MAGEC3: variants seen among roughly 807,000 people sequenced by gnomAD.
The protein encoded by MAGEC3 is melanoma-associated antigen C3.
Under a neutral mutation model 35.3 loss-of-function variants are expected in MAGEC3, and 34 were observed. The ratio of observed to expected loss-of-function variants is 0.96; its 90% CI spans 0.73 to 1.28. The LOEUF is 1.28. Ranked by LOEUF, MAGEC3 falls within the 50% of genes most tolerant of loss-of-function variation. The pLI is 0.00. For missense variants in MAGEC3, 561 were observed against 483.6 expected, an observed-to-expected ratio of 1.16 and a Z score of -1.50; for synonymous variants, 202 against 185.6, an observed-to-expected ratio of 1.09 and a Z score of -0.72.
rs769568009 is a variant in MAGEC3 at position 141,879,401 on chromosome X, GA to G, written c.490del (p.Arg164GlyfsTer49). 2.4e-5 allele frequency: 29 copies of G among 1,184,678 alleles called. No homozygotes were observed. The highest frequency in any genetic ancestry group is 3.3e-5 in the Non-Finnish European group (29 of 881,348). On this transcript the variant is annotated frameshift_variant, in exon 3 of 8. Coordinates refer to ENST00000298296, the MANE Select transcript of MAGEC3 (RefSeq NM_138702.1). LOFTEE classifies it high-confidence loss of function. ...CTTTCCCTTCCTGCCGTCAGCCCTG[GA>G]AAAAGGTTGTGGGGGGAGAAAGCGG... Reference protein sequence around the residue: ...YTLSLPAVSPGKRLWGEKAGS... With the variant: ...YTLSLPAVSPXKRLWGEKAGS...
rs766130605 is a variant in MAGEC3 at position 141,868,764 on chromosome X, T to G, written c.258+3159T>G. 2.7e-5 allele frequency among the ~76,000 whole-genome samples: 3 copies of G among 111,435 alleles called. No homozygotes were observed. In the East Asian group the frequency reaches 8.4e-4, roughly 31 times the overall value. On this transcript the variant is annotated intron_variant, in intron 2 of 7. Coordinates refer to ENST00000298296, the MANE Select transcript of MAGEC3 (RefSeq NM_138702.1). ...TTTACTTACCATAGATTAGAAACTCTGTACAGGGACTGTGTACACAAAATA... is the reference window on the plus strand; with the variant it reads ...TTTACTTACCATAGATTAGAAACTCGGTACAGGGACTGTGTACACAAAATA...
At chrX:141,870,765 A>G (rs945361225) in intron 2 of MAGEC3, among the ~76,000 whole-genome samples, 1 of 111,986 alleles carries the variant, frequency 8.9e-6, no homozygotes, top group African/African-American at 3.3e-5. Context: ...TATGTGCTAG[A>G]TGCAGATGAA....
chrX:141,873,867 A>G (rs1292735833), intron 2 of MAGEC3, among the ~76,000 whole-genome samples: 1 of 112,089 alleles, frequency 8.9e-6, no homozygotes, highest in African/African-American at 3.2e-5. Context: ...TTTAAGGACT[A>G]AAATATGTTT....
chrX:141,896,885 A>G lies in MAGEC3; in HGVS notation c.1127A>G (p.Asp376Gly). 2.5e-6 allele frequency: 3 copies of G among 1,187,153 alleles called. No homozygotes were observed. Among genetic ancestry groups the G allele is most frequent in the South Asian group, 1.8e-5 (1 of 54,339 alleles). ...ASPQQKKGGEDEDMPAAGMPP... is the reference protein window; with the variant it reads ...ASPQQKKGGEGEDMPAAGMPP... Reference sequence around the variant, plus strand: ...ACTCTCATTCTGGGTGTTCCAGAAGATGAGGATATGCCTGCTGCTGGGATG... The same window carrying G: ...ACTCTCATTCTGGGTGTTCCAGAAGGTGAGGATATGCCTGCTGCTGGGATG... The change falls in exon 7 of 8, where the codon GAT becomes GGT. Residue 376 changes from aspartate (D) to glycine (G), a missense_variant. Physicochemically the swap from Asp to Gly is moderately conservative, Grantham distance 94 (BLOSUM62 -1). Transcript: ENST00000298296.
At chrX:141,848,038 G>T (rs1432218779) in intron 1 of MAGEC3, among the ~76,000 whole-genome samples, 1 of 110,024 alleles carries the variant, frequency 9.1e-6, no homozygotes, top group African/African-American at 3.3e-5. Context: ...CATCAACAGG[G>T]TATGCATGTG....
rs2018116583 is a variant in MAGEC3, at chrX:141,897,714, T to C, written c.1814T>C (p.Met605Thr). Residue 605 changes from methionine to threonine, a missense_variant, in exon 8 of 8, where the codon ATG becomes ACG. Transcript: ENST00000298296. ...CCTAGTGCCTTTCCATCCTGGTACATGGATGCTTTGAAAGATATGGAAGAC... is the reference window on the plus strand; with the variant it reads ...CCTAGTGCCTTTCCATCCTGGTACACGGATGCTTTGAAAGATATGGAAGAC... ...IIPSAFPSWY[M>T]DALKDMEDRA... is the part of the protein sequence containing the mutation. The C allele has an allele frequency of 8.3e-6, 10 of 1,211,575 alleles. No individual in the cohort carries two copies. The highest frequency in any genetic ancestry group is 1.1e-5 in the Non-Finnish European group (10 of 895,417).
rs188167309 is a variant in MAGEC3 at position 141,895,528 on chromosome X, C to A, written c.1092C>A (p.Thr364=). ...AGGAAGATGGCCGCCGAGGGCTGAC[C>A]GAGGCGTCCCCACAACAGAAGAAGG... is the stretch of plus-strand genomic sequence containing the variant. ...HRQEDGRRGL[T]EASPQQKKGG... is the part of the protein sequence containing the mutation. Residue 364 remains threonine (T), a synonymous_variant, in exon 6 of 8, where the codon ACC becomes ACA. Coordinates refer to ENST00000298296, the MANE Select transcript of MAGEC3 (RefSeq NM_138702.1). 3.3e-6 allele frequency: 4 copies of A among 1,208,019 alleles called. No homozygotes were observed. The highest frequency in any genetic ancestry group is 4.5e-6 in the Non-Finnish European group (4 of 893,532).
chrX:141,856,776 CGTTAT>C (rs1297857067), intron 1 of MAGEC3, among the ~76,000 whole-genome samples: 3 of 111,617 alleles, frequency 2.7e-5, no homozygotes, highest in Admixed American at 1.9e-4. Context: ...GCCTGGAGGA[CGTTAT>C]GTTAAGTGAA....
chrX:141,874,896 A>G (rs2017910937), intron 2 of MAGEC3, among the ~76,000 whole-genome samples: 1 of 111,265 alleles, frequency 9.0e-6, no homozygotes, highest in South Asian at 3.8e-4. Context: ...GTGGTGGTTG[A>G]CTATCAAGGT....
chrX:141,878,767 A>T (rs1052855137), intron 2 of MAGEC3, among the ~76,000 whole-genome samples: 1 of 111,810 alleles, frequency 8.9e-6, no homozygotes, highest in Non-Finnish European at 1.9e-5. Context: ...CCTCAGTCAG[A>T]GATGCTAGCG....
intron 2 of MAGEC3, among the ~76,000 whole-genome samples, chrX:141,870,609 T>G (rs2124105908): frequency 8.9e-6 from 1 of 112,348 alleles, no homozygotes; most frequent in South Asian, 3.6e-4. Flanking sequence ...TTTTTATGCC[T>G]TCTTATAATT....
chrX:141,883,083 A>C (rs976802668), intron 4 of MAGEC3, among the ~76,000 whole-genome samples: 4 of 111,787 alleles, frequency 3.6e-5, no homozygotes, highest in African/African-American at 1.3e-4. Flanking sequence ...GTGGGGAAGT[A>C]ATGGAAGCTG....
chrX:141,888,862 C>G (rs1339344083), intron 4 of MAGEC3, among the ~76,000 whole-genome samples: 5 of 112,066 alleles, frequency 4.5e-5, no homozygotes, highest in Non-Finnish European at 9.4e-5. Context: ...TACCTTGTAG[C>G]AAGTTGATTA....
chrX:141,879,917 C>T (rs1392431061), intron 3 of MAGEC3, among the ~76,000 whole-genome samples: 3 of 110,960 alleles, frequency 2.7e-5, no homozygotes, highest in Non-Finnish European at 5.7e-5. Context: ...TGCCAGCTCT[C>T]TAGGGAATAA....
chrX:141,879,406 A>G lies in MAGEC3; in HGVS notation c.490A>G (p.Arg164Gly). The change falls in exon 3 of 8, where the codon AGG becomes GGG. Residue 164 changes from arginine to glycine, a missense_variant. Physicochemically the swap from Arg to Gly is moderately radical, Grantham distance 125. Transcript: ENST00000298296. ...LSLPAVSPGK[R>G]LWGEKAGSLP... Reference sequence around the variant, plus strand: ...CCTTCCTGCCGTCAGCCCTGGAAAAAGGTTGTGGGGGGAGAAAGCGGGGAG... The same window carrying G: ...CCTTCCTGCCGTCAGCCCTGGAAAAGGGTTGTGGGGGGAGAAAGCGGGGAG... 8.6e-7 allele frequency: 1 copy of G among 1,161,242 alleles called. No homozygotes were observed. Among genetic ancestry groups the G allele is most frequent in the Non-Finnish European group, 1.2e-6 (1 of 864,573 alleles).
At chrX:141,845,345 T>C (rs2017710064) in intron 1 of MAGEC3, among the ~76,000 whole-genome samples, 1 of 111,377 alleles carries the variant, frequency 9.0e-6, no homozygotes, top group African/African-American at 3.2e-5. Context: ...GAAAAAAATT[T>C]CCACACATAA....
At chrX:141,878,059 T>A (rs2017931322) in intron 2 of MAGEC3, among the ~76,000 whole-genome samples, 1 of 112,519 alleles carries the variant, frequency 8.9e-6, no homozygotes, top group African/African-American at 3.2e-5. Context: ...ATCATGTTCC[T>A]TCGATGCCCT....
chrX:141,884,675 C>T (rs1027627489), intron 4 of MAGEC3, among the ~76,000 whole-genome samples: 3 of 111,315 alleles, frequency 2.7e-5, no homozygotes, highest in Non-Finnish European at 5.6e-5. Context: ...TGGAGAACAC[C>T]GATAGCCTTT....
intron 1 of MAGEC3, among the ~76,000 whole-genome samples, chrX:141,841,196 T>G (rs1198073745): frequency 9.0e-6 from 1 of 111,227 alleles, no homozygotes; most frequent in African/African-American, 3.3e-5. Flanking sequence ...TCTCTACCAC[T>G]CAAATAAAGC....
Sources: allele counts gnomAD v4.1 joint callset (sites outside exome capture counted in the v4.1 genomes callset), GRCh38; gene constraint gnomAD v4.1.1; transcripts MANE v1.5; gene names NCBI Gene and HGNC (gene_info 2026-07-23, HGNC 2026-07-21).